FAM200B: variants seen among roughly 807,000 people sequenced by gnomAD.
FAM200B encodes zinc finger BED-type containing 11.
FAM200B carries 32 observed loss-of-function variants against 33.1 expected under a neutral mutation model. The ratio of observed to expected loss-of-function variants is 0.97; its 90% confidence interval spans 0.73 to 1.30. FAM200B has a LOEUF of 1.30. Ranked by LOEUF, FAM200B falls within the 50% of genes most tolerant of loss-of-function variation. FAM200B has a pLI of 0.00. For synonymous variants in FAM200B, 240 were observed against 264.8 expected, an observed-to-expected ratio of 0.91 and a Z score of 0.91; for missense variants, 741 against 754.0, an observed-to-expected ratio of 0.98 and a Z score of 0.20.
the FAM200B span, among the ~76,000 whole-genome samples, chr4:15,646,660 A>G: frequency 6.6e-6 from 1 of 151,574 alleles, no homozygotes. Flanking sequence ...CCCGTCATCT[A>G]ACATTAGGTA....
At chr4:15,677,434 C>G (rs1016744865), upstream of FAM200B, among the ~76,000 whole-genome samples, 4 of 152,078 alleles carry the variant, frequency 2.6e-5, no homozygotes, top group East Asian at 7.7e-4. Context: ...AGAGAGGGAC[C>G]CTAGGTACCT....
intron 1 of FAM200B, among the ~76,000 whole-genome samples, chr4:15,684,343 C>T (rs1347220476): frequency 6.6e-6 from 1 of 152,214 alleles, no homozygotes; most frequent in Non-Finnish European, 1.5e-5. Flanking sequence ...TTGAACTTCT[C>T]CCCTAAAATT....
the FAM200B span, among the ~76,000 whole-genome samples, chr4:15,673,257 T>C: frequency 6.6e-6 from 1 of 152,044 alleles, no homozygotes; most frequent in Non-Finnish European, 1.5e-5. Context: ...CTGGACAACA[T>C]GGCAAAATCC....
Position 15,687,753 on chromosome 4 carries a change from GTT to G in FAM200B, c.781_782del (p.Leu261LysfsTer24). ...GATGATTTTTTGGAGGATTTTTTGTGTTTTTTAAATTTAACCTCACACCTAAG... is the reference window on the plus strand; with the variant it reads ...GATGATTTTTTGGAGGATTTTTTGTGTTTTAAATTTAACCTCACACCTAAG... On this transcript the variant is annotated frameshift_variant, in exon 2 of 2. Transcript: ENST00000422728. LOFTEE classifies it high-confidence loss of function. 1 of 1,550,200 alleles carries G rather than the reference GTT, an allele frequency of 6.5e-7. No homozygotes were observed.
chr4:15,670,329 G>A, the FAM200B span, among the ~76,000 whole-genome samples: 2 of 152,182 alleles, frequency 1.3e-5, no homozygotes, highest in African/African-American at 2.4e-5. Flanking sequence ...TAACTTTACA[G>A]GAAACAGTCA....
chr4:15,658,128 G>A, the FAM200B span, among the ~76,000 whole-genome samples: 1 of 152,238 alleles, frequency 6.6e-6, no homozygotes, highest in South Asian at 2.1e-4. Context: ...CCTGGAAAGG[G>A]TTATTGGCCA....
the FAM200B span, chr4:15,644,848 C>T: frequency 1.6e-6 from 1 of 630,350 alleles, no homozygotes; most frequent in African/African-American, 1.8e-5. Flanking sequence ...AAAAGAAATT[C>T]ATAAATTAAC....
chr4:15,655,292 A>ACTGCCT, the FAM200B span: 3 of 1,420,254 alleles, frequency 2.1e-6, no homozygotes, highest in East Asian at 6.4e-5. Flanking sequence ...CGCCATCGCC[A>ACTGCCT]CTGCCTCAGC....
the FAM200B span, chr4:15,644,554 T>C: frequency 1.9e-6 from 3 of 1,614,122 alleles, no homozygotes; most frequent in East Asian, 2.2e-5. Context: ...ATTGTCAGAA[T>C]GTACATTATA....
upstream of FAM200B, among the ~76,000 whole-genome samples, chr4:15,677,238 G>A (rs1718027513): frequency 6.6e-6 from 1 of 152,102 alleles, no homozygotes. Context: ...GGGTATATAT[G>A]TTCGTCTTAT....
chr4:15,638,539 AAAAAAC>A, the FAM200B span: 1 of 1,595,594 alleles, frequency 6.3e-7, no homozygotes, highest in Non-Finnish European at 8.5e-7. Context: ...CGGAATATTT[AAAAAAC>A]TTCTGTCGCT....
the FAM200B span, among the ~76,000 whole-genome samples, chr4:15,650,467 C>G: frequency 6.6e-6 from 1 of 152,054 alleles, no homozygotes; most frequent in Non-Finnish European, 1.5e-5. Context: ...TGACCTACTA[C>G]TAATAGGTCA....
chr4:15,654,522 T>C, the FAM200B span, among the ~76,000 whole-genome samples: 1 of 152,184 alleles, frequency 6.6e-6, no homozygotes, highest in Admixed American at 6.5e-5. Context: ...TGCTGTCTTA[T>C]AACAAAATCT....
In FAM200B at chr4:15,686,948, TTAATC is replaced by T; in HGVS notation, c.-29_-25del. 1 of 1,177,438 alleles carries T rather than the reference TTAATC, an allele frequency of 8.5e-7. No homozygotes were observed. The highest frequency in any genetic ancestry group is 1.1e-6 in the Non-Finnish European group (1 of 875,914). The allele number at this position is 1,177,438 out of a possible 1,614,324, so 72.9% of individuals were successfully genotyped here. On this transcript the variant is annotated 5_prime_UTR_variant, in exon 2 of 2. It removes the in-frame stop codon of an upstream open reading frame in the 5' UTR. Transcript: ENST00000422728. ...TTGAGTTAGTGCCAATTATAACATT[TTAATC>T]AAACTGGAACAAATTGCTATTAAAA...
chr4:15,686,903 G>C lies in FAM200B; in HGVS notation c.-75G>C. 4 of 732,190 alleles carry C rather than the reference G, an allele frequency of 5.5e-6. No homozygotes were observed. The highest frequency in any genetic ancestry group is 8.4e-6 in the Non-Finnish European group (4 of 475,818). 45.4% of individuals were successfully genotyped at this position (732,190 alleles called of 1,614,324 possible). A position where few individuals can be genotyped will look rare whatever the true frequency, so the allele number is the denominator to read the frequency against. On this transcript the variant is annotated 5_prime_UTR_variant, in exon 2 of 2. Transcript: ENST00000422728. ...TTTTTGAAAAGATGTTATTTAGACT[G>C]TATATTTTTTTCTTCTTTTTTGAGT...
At chr4:15,644,745 C>T in the FAM200B span, 67 of 1,446,924 alleles carry the variant, frequency 4.6e-5, 1 homozygote, top group East Asian at 3.8e-4. Flanking sequence ...GTAATAAATA[C>T]GTGCAAATAT....
At position 15,688,868 on chromosome 4, in the gene FAM200B, T is replaced by A; in HGVS notation, c.1891T>A (p.Cys631Ser). 1 of 1,551,216 alleles carries A rather than the reference T, an allele frequency of 6.4e-7. No homozygotes were observed. Among genetic ancestry groups the A allele is most frequent in the East Asian group, 2.4e-5 (1 of 40,894 alleles). ...LKTKERNGLN[C>S]AAVMRVALSS... ...AACAAAGGAAAGAAATGGGCTGAATTGTGCAGCAGTTATGCGGGTAGCATT... is the reference window on the plus strand; with the variant it reads ...AACAAAGGAAAGAAATGGGCTGAATAGTGCAGCAGTTATGCGGGTAGCATT... Residue 631 changes from cysteine (C) to serine (S), a missense_variant, in exon 2 of 2, where the codon TGT becomes AGT. Cys to Ser is a moderately radical substitution (Grantham distance 112). Coordinates refer to ENST00000422728, the MANE Select transcript of FAM200B (RefSeq NM_001145191.2).
rs1719012230 is a variant in FAM200B, at chr4:15,687,718, T to C, written c.741T>C (p.Tyr247=). Residue 247 remains tyrosine (Y), a synonymous_variant, in exon 2 of 2, where the codon TAT becomes TAC. Coordinates refer to ENST00000422728, the MANE Select transcript of FAM200B (RefSeq NM_001145191.2). The part of the protein sequence containing the change: ...SCTTLLVYVR[Y]AWQDDFLEDF... ...CAACACTTTTAGTTTATGTCAGATA[T>C]GCGTGGCAAGATGATTTTTTGGAGG... 4 of 1,551,016 alleles carry C rather than the reference T, an allele frequency of 2.6e-6. No individual in the cohort carries two copies. Among genetic ancestry groups the C allele is most frequent in the African/African-American group, 1.4e-5 (1 of 73,150 alleles).
chr4:15,674,808 C>G, the FAM200B span, among the ~76,000 whole-genome samples: 2 of 152,122 alleles, frequency 1.3e-5, no homozygotes, highest in African/African-American at 2.4e-5. Flanking sequence ...TGCCACCATG[C>G]CTGGCTAATT....
Sources: gnomAD v4.1 joint callset for allele counts (sites outside exome capture counted in the v4.1 genomes callset) on GRCh38, gnomAD v4.1.1 for gene constraint, MANE v1.5 for transcripts, NCBI Gene and HGNC (gene_info 2026-07-23, HGNC 2026-07-21) for gene names.